The following IL2RA variants were observed in gnomAD, a reference collection of about 807,000 sequenced individuals.
The protein encoded by IL2RA is interleukin-2 receptor subunit alpha.
IL2RA carries 24 observed loss-of-function variants against 37.8 expected under a neutral mutation model. That is an observed-to-expected ratio of 0.63 (90% CI 0.46 to 0.89). The LOEUF (loss-of-function observed/expected upper bound fraction) is 0.89, where lower values mean the gene tolerates loss of function less well. IL2RA is among the 40% of genes least tolerant of loss of function. IL2RA has a pLI of 0.00. For missense variants in IL2RA, 319 were observed against 348.6 expected (o/e 0.92, Z 0.68); for synonymous variants, 125 against 114.6 (o/e 1.09, Z -0.58).
chr10:6,032,959 T>C (rs1008944832), intron 1 of IL2RA, among the ~76,000 whole-genome samples: 5 of 152,046 alleles, frequency 3.3e-5, no homozygotes, highest in South Asian at 2.1e-4. Context: ...AGATAGCCCA[T>C]TGGGGAAATG....
At chr10:6,050,993 G>T (rs553423331) in intron 1 of IL2RA, among the ~76,000 whole-genome samples, 1 of 152,182 alleles carries the variant, frequency 6.6e-6, no homozygotes, top group East Asian at 1.9e-4. Context: ...TGGTCTCAGC[G>T]CCACCTGGGC....
In IL2RA at chr10:6,029,989, G is replaced by A. The variant is rs1429407962; in HGVS notation, c.65-3964C>T. 1.3e-5 allele frequency among the ~76,000 whole-genome samples: 2 copies of A among 152,194 alleles called. No individual in the cohort carries two copies. Among genetic ancestry groups the A allele is most frequent in the Non-Finnish European group, 2.9e-5 (2 of 68,032 alleles). On this transcript the variant is annotated intron_variant, in intron 1 of 7. Coordinates refer to ENST00000379959, the MANE Select transcript of IL2RA (RefSeq NM_000417.3). The surrounding 1 kb of genome is among the most constrained non-coding windows in gnomAD (Gnocchi z 4.6). ...CAAAGTGCTGGGATTACAGGTGTGA[G>A]CCACCGTGCCCAGCCAATATTTTTA...
chr10:6,019,355 C>G, intron 6 of IL2RA, 73 bp downstream of exon 6: 1 of 1,159,882 alleles, frequency 8.6e-7, no homozygotes. Context: ...AACTAACCAA[C>G]CTACTAACCA....
Position 6,028,990 on chromosome 10 carries a change from CAAAA to C in IL2RA, c.65-2969_65-2966del, listed in dbSNP as rs34303304. ...TTACAGAGTGAGTGAGAGTCTGTCT[CAAAA>C]AAAAAAAAAAAAGACCCCTAAAATG... is the stretch of plus-strand genomic sequence containing the variant. On this transcript the variant is annotated intron_variant, in intron 1 of 7. Transcript: ENST00000379959. The surrounding 1 kb of genome is among the most constrained non-coding windows in gnomAD (Gnocchi z 4.1). Among the ~76,000 whole-genome samples, 5 of 110,034 alleles carry C rather than the reference CAAAA, an allele frequency of 4.5e-5. No individual in the cohort carries two copies. The highest frequency in any genetic ancestry group is 1.3e-4 in the African/African-American group (4 of 29,984). 72.2% of individuals were successfully genotyped at this position (110,034 alleles called of 152,430 possible). A position where few individuals can be genotyped will look rare whatever the true frequency, so the allele number is the denominator to read the frequency against.
rs1839326207 is a variant in IL2RA at position 6,018,955 on chromosome 10, C to G, written c.727+473G>C. 3.3e-5 allele frequency among the ~76,000 whole-genome samples: 5 copies of G among 152,234 alleles called. No homozygotes were observed. In the South Asian group the frequency reaches 1.0e-3, roughly 32 times the overall value. On this transcript the variant is annotated intron_variant, in intron 6 of 7. Coordinates refer to ENST00000379959, the MANE Select transcript of IL2RA (RefSeq NM_000417.3). The surrounding 1 kb of genome is among the most constrained non-coding windows in gnomAD (Gnocchi z 5.1). ...ACTCACTAACCAACCAACCAGCTAA[C>G]CAACCAAACTACCAACAAAACTACC...
chr10:6,041,768 T>C (rs912539460), intron 1 of IL2RA, among the ~76,000 whole-genome samples: 1 of 152,152 alleles, frequency 6.6e-6, no homozygotes, highest in Non-Finnish European at 1.5e-5. Context: ...GGAAAACACA[T>C]TATATGCAGA....
In IL2RA at chr10:6,028,589, A is replaced by C. The variant is rs1306090171; in HGVS notation, c.65-2564T>G. Among the ~76,000 whole-genome samples, 1 of 152,252 alleles carries C rather than the reference A, an allele frequency of 6.6e-6. No homozygotes were observed. Among genetic ancestry groups the C allele is most frequent in the Non-Finnish European group, 1.5e-5 (1 of 68,046 alleles). ...CTTTTAAAGGACCATAAGATAATCT[A>C]GACCCTTTATAATGTATAGCTCATA... On this transcript the variant is annotated intron_variant, in intron 1 of 7. Transcript: ENST00000379959. This position sits in a 1 kb window ranked among gnomAD's most constrained non-coding sequence, Gnocchi z 4.1.
In IL2RA at chr10:6,026,162, A is replaced by C. The variant is rs56096118; in HGVS notation, c.65-137T>G. 2.9e-3 allele frequency: 2,489 copies of C among 872,762 alleles called. 1 individual carries two copies. The highest frequency in any genetic ancestry group is 3.5e-3 in the Non-Finnish European group (1,892 of 546,660). The allele number at this position is 872,762 out of a possible 1,614,324, so 54.1% of individuals were successfully genotyped here. On this transcript the variant is annotated intron_variant, in intron 1 of 7. Coordinates refer to ENST00000379959, the MANE Select transcript of IL2RA (RefSeq NM_000417.3). ...TATGCCCTACTTTTTGTGAGAAAGC[A>C]ACTAAGGCTGCTACCATTGTTCTTT... is the stretch of plus-strand genomic sequence containing the variant.
In IL2RA at chr10:6,029,169, T is replaced by C. The variant is rs1460156801; in HGVS notation, c.65-3144A>G. Among the ~76,000 whole-genome samples the C allele has an allele frequency of 7.2e-6, 1 of 139,444 alleles. No individual in the cohort carries two copies. The highest frequency in any genetic ancestry group is 1.5e-5 in the Non-Finnish European group (1 of 64,752). The allele number at this position is 139,444 out of a possible 152,430, so 91.5% of individuals were successfully genotyped here. A position where few individuals can be genotyped will look rare whatever the true frequency, so the allele number is the denominator to read the frequency against. The stretch of plus-strand genomic sequence containing the variant: ...ATTTATTTATTTATTTATTTATTTA[T>C]TTATTTATTTTTGAGACAGAGTTTC... On this transcript the variant is annotated intron_variant, in intron 1 of 7. Transcript: ENST00000379959. This position sits in a 1 kb window ranked among gnomAD's most constrained non-coding sequence, Gnocchi z 4.6.
rs1028455862 is a variant in IL2RA, at chr10:6,054,318, G to C, written c.64+7770C>G. Reference sequence around the variant, plus strand: ...GGGTCAGGAAAAAAATGTGGAGGTAGGGAAACAAGACCCAGGAACTCTTTG... The same window carrying C: ...GGGTCAGGAAAAAAATGTGGAGGTACGGAAACAAGACCCAGGAACTCTTTG... On this transcript the variant is annotated intron_variant, in intron 1 of 7. Coordinates refer to ENST00000379959, the MANE Select transcript of IL2RA (RefSeq NM_000417.3). This position sits in a 1 kb window ranked among gnomAD's most constrained non-coding sequence, Gnocchi z 4.5. 2.0e-5 allele frequency among the ~76,000 whole-genome samples: 3 copies of C among 152,178 alleles called. No individual in the cohort carries two copies. Among genetic ancestry groups the C allele is most frequent in the Non-Finnish European group, 2.9e-5 (2 of 68,032 alleles).
intron 1 of IL2RA, among the ~76,000 whole-genome samples, chr10:6,041,448 C>T (rs1018309450): frequency 1.3e-5 from 2 of 151,844 alleles, no homozygotes; most frequent in Admixed American, 1.3e-4. Flanking sequence ...AGAATTAAAA[C>T]ATATAATACA....
At chr10:6,023,175 G>T (rs979763708) in intron 3 of IL2RA, among the ~76,000 whole-genome samples, 12 of 151,966 alleles carry the variant, frequency 7.9e-5, no homozygotes, top group African/African-American at 2.7e-4. Context: ...ACCCTTCCTG[G>T]TCCTGACTCA....
At chr10:6,032,164 T>C (rs997139474) in intron 1 of IL2RA, among the ~76,000 whole-genome samples, 2 of 151,338 alleles carry the variant, frequency 1.3e-5, no homozygotes, top group Non-Finnish European at 2.9e-5. Context: ...AGAAAAAAAC[T>C]CACATCTTAT....
rs1052620070 is a variant in IL2RA, at chr10:6,029,001, A to G, written c.65-2976T>C. ...GTGAGAGTCTGTCTCAAAAAAAAAA[A>G]AAAAAGACCCCTAAAATGACCTAGA... On this transcript the variant is annotated intron_variant, in intron 1 of 7. Transcript: ENST00000379959. The surrounding 1 kb of genome is among the most constrained non-coding windows in gnomAD (Gnocchi z 4.6). 6.6e-6 allele frequency among the ~76,000 whole-genome samples: 1 copy of G among 151,950 alleles called. No homozygotes were observed.
chr10:6,045,800 G>A (rs1368791131), intron 1 of IL2RA, among the ~76,000 whole-genome samples: 3 of 152,066 alleles, frequency 2.0e-5, no homozygotes, highest in South Asian at 4.1e-4. Flanking sequence ...TCAACTCAAC[G>A]GAATTTCCCC....
chr10:6,015,849 A>G lies in IL2RA; in HGVS notation c.794+2204T>C, dbSNP rs995495463. ...TAAAACGTACGACTATCCCAGACAT[A>G]AAAGGCCACGTGATTCCATTTACAC... On this transcript the variant is annotated intron_variant, in intron 7 of 7. Transcript: ENST00000379959. The surrounding 1 kb of genome is among the most constrained non-coding windows in gnomAD (Gnocchi z 4.9). Among the ~76,000 whole-genome samples, 2 of 152,152 alleles carry G rather than the reference A, an allele frequency of 1.3e-5. No individual in the cohort carries two copies. The highest frequency in any genetic ancestry group is 1.3e-4 in the Admixed American group (2 of 15,264).
At chr10:6,019,394 T>C (rs755336398) in intron 6 of IL2RA, 34 bp downstream of exon 6, 1 of 1,486,004 alleles carries the variant, frequency 6.7e-7, no homozygotes. Context: ...CAGCCTGGTG[T>C]ACATTTTGTC....
rs932800261 is a variant in IL2RA at position 6,010,904 on chromosome 10, A to T, written c.*1968T>A. The T allele has an allele frequency of 2.0e-5, 3 of 152,346 alleles. No homozygotes were observed. The highest frequency in any genetic ancestry group is 7.2e-5 in the African/African-American group (3 of 41,454). The allele number at this position is 152,346 out of a possible 1,614,324, so 9.4% of individuals were successfully genotyped here. A position where few individuals can be genotyped will look rare whatever the true frequency, so the allele number is the denominator to read the frequency against. On this transcript the variant is annotated 3_prime_UTR_variant, in exon 8 of 8. Transcript: ENST00000379959. ...CCCTCAACACCCAAAAGTCGTAATC[A>T]GTTCTACTCAAGTAAGATTTAAATA... is the stretch of plus-strand genomic sequence containing the variant.
Position 6,018,069 on chromosome 10 carries a change from T to G in IL2RA, c.778A>C (p.Thr260Pro). The G allele has an allele frequency of 2.5e-6, 4 of 1,613,828 alleles. No homozygotes were observed. The highest frequency in any genetic ancestry group is 3.4e-6 in the Non-Finnish European group (4 of 1,179,864). Reference protein sequence around the residue: ...LISVLLLSGLTWQRRQRKSRR... With the variant: ...LISVLLLSGLPWQRRQRKSRR... ...CACACTTACTGTCTCCGCTGCCAGG[T>G]GAGCCCACTCAGGAGGAGGACGCTG... The change falls in exon 7 of 8, where the codon ACC becomes CCC. Residue 260 changes from threonine to proline, a missense_variant. Coordinates refer to ENST00000379959, the MANE Select transcript of IL2RA (RefSeq NM_000417.3). The surrounding 1 kb of genome is among the most constrained non-coding windows in gnomAD (Gnocchi z 5.1).
Sources: allele counts gnomAD v4.1 joint callset (sites outside exome capture counted in the v4.1 genomes callset), GRCh38; gene constraint gnomAD v4.1.1; non-coding constraint Gnocchi (gnomAD v3.1); transcripts MANE v1.5; gene names NCBI Gene and HGNC (gene_info 2026-07-23, HGNC 2026-07-21).